LRRC7: variants seen among roughly 807,000 people sequenced by gnomAD.
LRRC7 encodes leucine-rich repeat-containing protein 7.
A neutral mutation model predicts 175.7 loss-of-function variants in LRRC7; 23 were observed. The observed-to-expected ratio is 0.13, with a 90% CI of 0.09 to 0.19. The LOEUF (loss-of-function observed/expected upper bound fraction) is 0.19, where lower values mean the gene tolerates loss of function less well. Among genes scored for constraint, LRRC7 ranks in the 10% least tolerant of loss-of-function variants. The pLI is 1.00. For missense variants in LRRC7, 1,354 were observed against 1,904.7 expected (o/e 0.71, Z 5.38); for synonymous variants, 685 against 680.9 (o/e 1.01, Z -0.09).
chr1:69,757,280 T>C (rs1670536488), intron 2 of LRRC7, among the ~76,000 whole-genome samples: 1 of 151,956 alleles, frequency 6.6e-6, no homozygotes, highest in African/African-American at 2.4e-5. Flanking sequence ...CAACCAGAAA[T>C]TGGCTAATCA....
At chr1:69,807,071 G>T (rs1009563022) in intron 4 of LRRC7, among the ~76,000 whole-genome samples, 4 of 152,122 alleles carry the variant, frequency 2.6e-5, no homozygotes, top group African/African-American at 9.6e-5. Flanking sequence ...TGTCTCTTTT[G>T]ATCTTTGTTG....
intron 1 of LRRC7, among the ~76,000 whole-genome samples, chr1:69,577,846 T>A (rs1477334507): frequency 5.3e-5 from 8 of 152,202 alleles, no homozygotes; most frequent in Admixed American, 5.2e-4. Flanking sequence ...TGGCTTAGGA[T>A]TGCCTTGGCG....
At chr1:69,901,810 G>A (rs1237660276) in intron 7 of LRRC7, among the ~76,000 whole-genome samples, 1 of 151,928 alleles carries the variant, frequency 6.6e-6, no homozygotes, top group Non-Finnish European at 1.5e-5. Flanking sequence ...TTCTTTGCTT[G>A]GGATTCCCAT....
chr1:69,868,170 A>G (rs1402935530), intron 7 of LRRC7, among the ~76,000 whole-genome samples: 4 of 152,138 alleles, frequency 2.6e-5, no homozygotes, highest in Admixed American at 2.6e-4. Context: ...TTTTTTAATG[A>G]TGGGACAATG....
chr1:69,855,018 A>G (rs1683432376), intron 7 of LRRC7, among the ~76,000 whole-genome samples: 1 of 152,144 alleles, frequency 6.6e-6, no homozygotes, highest in African/African-American at 2.4e-5. Context: ...TTATGTATTT[A>G]GGCATTATAT....
rs564778210 is a variant in LRRC7, at chr1:69,692,622, T to C, written c.100+14144T>C. Among the ~76,000 whole-genome samples the C allele has an allele frequency of 3.9e-5, 6 of 152,298 alleles. No homozygotes were observed. In the South Asian group the frequency reaches 1.0e-3, roughly 26 times the overall value. On this transcript the variant is annotated intron_variant, in intron 2 of 26. Coordinates refer to ENST00000651989, the MANE Select transcript of LRRC7 (RefSeq NM_001370785.2). ...CATATTCTACTGTCATCTCAAATTG[T>C]GTCTTACATTATTCTTGAAGCTTCC...
At position 70,124,725 on chromosome 1, in the gene LRRC7, A is replaced by G. The variant is rs1020309889; in HGVS notation, c.*2838A>G. Among the ~76,000 whole-genome samples the G allele has an allele frequency of 1.3e-5, 2 of 151,658 alleles. No homozygotes were observed. The highest frequency in any genetic ancestry group is 3.9e-4 in the East Asian group (2 of 5,170). On this transcript the variant is annotated 3_prime_UTR_variant, in exon 27 of 27. Transcript: ENST00000651989. ...CTGAAATTAGAATCTGGTTATTTTA[A>G]CAATAAAAAAAAGTCAAGGGTGTGC...
At chr1:69,905,505 G>A (rs36187185) in intron 7 of LRRC7, among the ~76,000 whole-genome samples, 6,926 of 152,146 alleles carry the variant, frequency 0.046, 229 homozygotes, top group Non-Finnish European at 0.069. Context: ...AGAACATGCG[G>A]TGTTTCCTTT....
intron 2 of LRRC7, among the ~76,000 whole-genome samples, chr1:69,716,501 T>A (rs1441904594): frequency 2.6e-5 from 4 of 151,860 alleles, no homozygotes; most frequent in Non-Finnish European, 5.9e-5. Flanking sequence ...CCTAATTCAA[T>A]ACTTATTCCT....
At chr1:69,861,722 A>G (rs954806320) in intron 7 of LRRC7, among the ~76,000 whole-genome samples, 1 of 152,214 alleles carries the variant, frequency 6.6e-6, no homozygotes, top group Non-Finnish European at 1.5e-5. Context: ...CAGGTGTCCA[A>G]CTAGAATAGC....
At chr1:70,008,101 C>T (rs191225352) in intron 11 of LRRC7, among the ~76,000 whole-genome samples, 1 of 152,148 alleles carries the variant, frequency 6.6e-6, no homozygotes, top group Non-Finnish European at 1.5e-5. Context: ...AGCTGAGGAG[C>T]AAGGAAGCCA....
chr1:70,057,080 A>G (rs1442788725), intron 23 of LRRC7, among the ~76,000 whole-genome samples: 1 of 152,162 alleles, frequency 6.6e-6, no homozygotes, highest in Non-Finnish European at 1.5e-5. Context: ...AATGTACTAA[A>G]TGTACCATGT....
At chr1:69,592,083 C>T (rs1646658827) in intron 1 of LRRC7, among the ~76,000 whole-genome samples, 1 of 151,994 alleles carries the variant, frequency 6.6e-6, no homozygotes, top group Non-Finnish European at 1.5e-5. Flanking sequence ...TTACTTTGTG[C>T]TGCTTGCTAT....
At chr1:69,950,620 A>G (rs1028014735) in intron 8 of LRRC7, among the ~76,000 whole-genome samples, 6 of 152,178 alleles carry the variant, frequency 3.9e-5, no homozygotes, top group African/African-American at 1.4e-4. Context: ...GTTAATCAAC[A>G]TTTTTATTGT....
At chr1:69,742,011 C>G (rs1668765182) in intron 2 of LRRC7, among the ~76,000 whole-genome samples, 1 of 151,946 alleles carries the variant, frequency 6.6e-6, no homozygotes, top group South Asian at 2.1e-4. Flanking sequence ...TGAATGGAGA[C>G]TGCAACATAA....
chr1:69,940,179 AATTGGGGTCTCCACTTTT>A (rs1481228764), intron 8 of LRRC7, among the ~76,000 whole-genome samples: 1 of 152,122 alleles, frequency 6.6e-6, no homozygotes, highest in African/African-American at 2.4e-5. Context: ...AGGAGGATCA[AATTGGGGTCTCCACTTTT>A]ATCAATGCAA....
chr1:69,677,345 AT>A (rs1557586940), intron 1 of LRRC7, among the ~76,000 whole-genome samples: 12 of 137,530 alleles, frequency 8.7e-5, no homozygotes, highest in Non-Finnish European at 1.6e-4. Flanking sequence ...GGTTGATTTC[AT>A]ATATTTGCAA....
chr1:69,643,101 T>C (rs1340410021), intron 1 of LRRC7, among the ~76,000 whole-genome samples: 1 of 152,024 alleles, frequency 6.6e-6, no homozygotes, highest in Non-Finnish European at 1.5e-5. Flanking sequence ...CAGGGGCTCC[T>C]GTGTCCAAGG....
At chr1:69,699,026 A>T (rs1265620304) in intron 2 of LRRC7, among the ~76,000 whole-genome samples, 1 of 151,988 alleles carries the variant, frequency 6.6e-6, no homozygotes, top group Non-Finnish European at 1.5e-5. Context: ...CTTGAGATTT[A>T]TATATACTTT....
Sources: allele counts gnomAD v4.1 joint callset (sites outside exome capture counted in the v4.1 genomes callset), GRCh38; gene constraint gnomAD v4.1.1; transcripts MANE v1.5; gene names NCBI Gene and HGNC (gene_info 2026-07-23, HGNC 2026-07-21).